The following BCAS1 variants were observed in gnomAD, a reference collection of about 807,000 sequenced individuals.
BCAS1 encodes the protein brain enriched myelin associated protein 1, also known as breast carcinoma-amplified sequence 1.
In BCAS1, 46 loss-of-function variants were observed where a neutral mutation model predicts 65.4. The ratio of observed to expected loss-of-function variants is 0.70; its 90% CI spans 0.55 to 0.90. The LOEUF (loss-of-function observed/expected upper bound fraction) is 0.90, where lower values mean the gene tolerates loss of function less well. BCAS1 is among the 40% of genes least tolerant of loss of function. The pLI, the probability that BCAS1 is intolerant of heterozygous loss-of-function variation, is 0.00. For missense variants in BCAS1, 793 were observed against 771.2 expected, an observed-to-expected ratio of 1.03 and a Z score of -0.33; for synonymous variants, 298 against 293.5, an observed-to-expected ratio of 1.02 and a Z score of -0.16.
intron 8 of BCAS1, among the ~76,000 whole-genome samples, chr20:53,979,637 G>T (rs577478774): frequency 3.6e-4 from 55 of 152,352 alleles, no homozygotes; most frequent in Middle Eastern, 3.4e-3. Context: ...GGTGGTGGCA[G>T]TGGTGTGGCT....
At chr20:53,954,829 A>G (rs550722647) in intron 11 of BCAS1, among the ~76,000 whole-genome samples, 1 of 152,254 alleles carries the variant, frequency 6.6e-6, no homozygotes, top group African/African-American at 2.4e-5. Flanking sequence ...TGAATGTTAC[A>G]TGCCCTGTCC....
In BCAS1 at chr20:53,995,954, C is replaced by G; in HGVS notation, c.820G>C (p.Asp274His). 1 of 1,613,660 alleles carries G rather than the reference C, an allele frequency of 6.2e-7. No homozygotes were observed. Among genetic ancestry groups the G allele is most frequent in the Non-Finnish European group, 8.5e-7 (1 of 1,179,726 alleles). The change falls in exon 5 of 13, where the codon GAT (aspartate) becomes CAT (histidine). Residue 274 changes from aspartate to histidine, a missense_variant. By Grantham distance (81) the Asp-to-His change is moderately conservative. Transcript: ENST00000688948. The stretch of plus-strand genomic sequence containing the variant: ...TCTGCTATAGCTGCTGCCTGGGAAT[C>G]GTCCTTTGCAGTCTCCAGTCCTTCT... Reference protein sequence around the residue: ...DPEGLETAKDDSQAAAIAENN... With the variant: ...DPEGLETAKDHSQAAAIAENN...
intron 4 of BCAS1, among the ~76,000 whole-genome samples, chr20:54,015,098 T>A (rs370701929): frequency 6.6e-6 from 1 of 151,336 alleles, no homozygotes; most frequent in East Asian, 1.9e-4. Context: ...AATGGTGCAA[T>A]CTCGTCTCAC....
intron 3 of BCAS1, among the ~76,000 whole-genome samples, chr20:54,050,409 G>A (rs575416688): frequency 6.6e-6 from 1 of 152,246 alleles, no homozygotes; most frequent in South Asian, 2.1e-4. Flanking sequence ...AATACTCTGT[G>A]GTCTCATACA....
At chr20:53,967,200 T>C in intron 9 of BCAS1, 127 bp from the exon 10 acceptor site, 6 of 912,462 alleles carry the variant, frequency 6.6e-6, no homozygotes, top group Non-Finnish European at 9.9e-6. Context: ...CTATGACCAT[T>C]TCTACACAGG....
At chr20:54,026,724 C>T (rs930388400) in intron 4 of BCAS1, among the ~76,000 whole-genome samples, 1 of 152,110 alleles carries the variant, frequency 6.6e-6, no homozygotes, top group South Asian at 2.1e-4. Context: ...CAGTTTCTCC[C>T]ATATGCAGGA....
rs775747166 is a variant in BCAS1, at chr20:54,036,520, C to A, written c.143-7548G>T. On this transcript the variant is annotated intron_variant, in intron 3 of 12. Transcript: ENST00000688948. ...GAACTTGGATTGTGGATCACAGGAA[C>A]CTGGCTTTGACTCTTAACTGCTCAC... is the stretch of plus-strand genomic sequence containing the variant. Among the ~76,000 whole-genome samples the A allele has an allele frequency of 1.5e-3, 229 of 151,322 alleles. 13 individuals are homozygous for A. Among genetic ancestry groups the A allele is most frequent in the Middle Eastern group, 3.4e-3 (1 of 290 alleles).
chr20:54,047,427 A>C (rs1275726752), intron 3 of BCAS1, among the ~76,000 whole-genome samples: 1 of 152,224 alleles, frequency 6.6e-6, no homozygotes, highest in Non-Finnish European at 1.5e-5. Context: ...ATCAACCACA[A>C]TAATGCAATA....
intron 3 of BCAS1, among the ~76,000 whole-genome samples, chr20:54,046,228 T>C (rs1306028890): frequency 6.6e-6 from 1 of 152,198 alleles, no homozygotes; most frequent in Non-Finnish European, 1.5e-5. Flanking sequence ...AGGTCATGAT[T>C]CCATGCATTA....
chr20:54,030,746 G>A (rs150035446), intron 3 of BCAS1, among the ~76,000 whole-genome samples: 35 of 151,418 alleles, frequency 2.3e-4, no homozygotes, highest in African/African-American at 7.2e-5. Context: ...AATGGTCTGG[G>A]GCAAGCCCAG....
chr20:54,052,334 T>C (rs1741270937), intron 3 of BCAS1, among the ~76,000 whole-genome samples: 1 of 152,250 alleles, frequency 6.6e-6, no homozygotes, highest in Non-Finnish European at 1.5e-5. Flanking sequence ...TCTAGAATTT[T>C]ATATAAGTGG....
chr20:53,966,895 A>G lies in BCAS1; in HGVS notation c.1485+11T>C. 1 of 1,599,038 alleles carries G rather than the reference A, an allele frequency of 6.3e-7. No homozygotes were observed. Among genetic ancestry groups the G allele is most frequent in the Non-Finnish European group, 8.5e-7 (1 of 1,175,116 alleles). ...ATCTTAGGTTTCCTATACTGGAAGT[A>G]AGGGGCTTACCATTTGTCTGAGAAA... is the stretch of plus-strand genomic sequence containing the variant. On this transcript the variant is annotated intron_variant, in intron 10 of 12. Transcript: ENST00000688948.
At chr20:53,964,325 C>T (rs1467243303) in intron 10 of BCAS1, among the ~76,000 whole-genome samples, 29 of 152,120 alleles carry the variant, frequency 1.9e-4, no homozygotes. Context: ...CTTTAGTAAG[C>T]TGGAAAACTC....
chr20:53,980,412 T>C (rs141704364), intron 8 of BCAS1, among the ~76,000 whole-genome samples: 137 of 152,330 alleles, frequency 9.0e-4, no homozygotes, highest in African/African-American at 3.1e-3. Flanking sequence ...CTTCTTAGCA[T>C]GCATTAGATG....
chr20:54,049,915 T>G (rs962137171), intron 3 of BCAS1, among the ~76,000 whole-genome samples: 1 of 152,314 alleles, frequency 6.6e-6, no homozygotes, highest in African/African-American at 2.4e-5. Flanking sequence ...GTCCAATGCT[T>G]GAGAGGATAT....
rs1568852182 is a variant in BCAS1 at position 53,992,570 on chromosome 20, T to C, written c.1004A>G (p.Lys335Arg). 1 of 1,365,812 alleles carries C rather than the reference T, an allele frequency of 7.3e-7. No homozygotes were observed. Among genetic ancestry groups the C allele is most frequent in the South Asian group, 1.1e-5 (1 of 87,992 alleles). 84.6% of individuals were successfully genotyped at this position (1,365,812 alleles called of 1,614,324 possible). Residue 335 changes from lysine to arginine, a missense_variant, in exon 7 of 13, where the codon AAA becomes AGA. Transcript: ENST00000688948. Reference protein sequence around the residue: ...TSEIQARGTKKKHLDSPRLGL... With the variant: ...TSEIQARGTKRKHLDSPRLGL... Reference sequence around the variant, plus strand: ...TAGCCTGGGGCTATCCAGGTGCTTTTTCTTGGTGCCTCTAGCCTGGATCTC... The same window carrying C: ...TAGCCTGGGGCTATCCAGGTGCTTTCTCTTGGTGCCTCTAGCCTGGATCTC...
At chr20:54,042,203 G>A (rs561512207) in intron 3 of BCAS1, among the ~76,000 whole-genome samples, 15 of 152,148 alleles carry the variant, frequency 9.9e-5, no homozygotes, top group African/African-American at 2.9e-4. Flanking sequence ...TGTCCTTGAG[G>A]ACACAGGGAC....
chr20:54,025,488 A>T (rs935983097), intron 4 of BCAS1, among the ~76,000 whole-genome samples: 1 of 152,220 alleles, frequency 6.6e-6, no homozygotes, highest in African/African-American at 2.4e-5. Flanking sequence ...CTTTGCCCTG[A>T]ATGTAGTTTT....
chr20:54,039,410 A>G (rs1190906128), intron 3 of BCAS1, among the ~76,000 whole-genome samples: 1 of 151,466 alleles, frequency 6.6e-6, no homozygotes, highest in Non-Finnish European at 1.5e-5. Flanking sequence ...ACATTTAGTG[A>G]TGGAAATGCT....
Sources: allele counts gnomAD v4.1 joint callset (sites outside exome capture counted in the v4.1 genomes callset), GRCh38; gene constraint gnomAD v4.1.1; transcripts MANE v1.5; gene names NCBI Gene and HGNC (gene_info 2026-07-23, HGNC 2026-07-21).